Variants in SLIT3 observed in about 807,000 individuals in gnomAD.
SLIT3 encodes slit guidance ligand 3, also known as slit homolog 3 protein.
A neutral mutation model predicts 184.0 loss-of-function variants in SLIT3; 68 were observed. The ratio of observed to expected loss-of-function variants is 0.37; its 90% CI spans 0.30 to 0.45. The LOEUF is 0.45. Ranked by LOEUF, SLIT3 falls within the 20% of genes least tolerant of loss-of-function variation. The pLI, the probability that SLIT3 is intolerant of heterozygous loss-of-function variation, is 1.00. For missense variants in SLIT3, 1,707 were observed against 2,026.0 expected (o/e 0.84, Z 3.02); for synonymous variants, 831 against 828.6 (o/e 1.00, Z -0.05).
At chr5:168,993,675 A>T (rs1224601218) in intron 4 of SLIT3, among the ~76,000 whole-genome samples, 1 of 151,010 alleles carries the variant, frequency 6.6e-6, no homozygotes, top group African/African-American at 2.4e-5. Context: ...GTACACAGGA[A>T]AAAAAAAAAA....
intron 4 of SLIT3, among the ~76,000 whole-genome samples, chr5:168,962,681 G>A (rs1411414773): frequency 6.6e-6 from 1 of 152,148 alleles, no homozygotes; most frequent in Non-Finnish European, 1.5e-5. Flanking sequence ...GCGCTCTTAT[G>A]ACCAGACTCT....
intron 4 of SLIT3, among the ~76,000 whole-genome samples, chr5:169,089,429 C>T (rs1581398717): frequency 1.3e-5 from 2 of 152,332 alleles, no homozygotes; most frequent in South Asian, 4.2e-4. Flanking sequence ...AGCAGGGGTG[C>T]TGTCTGTCCC....
intron 5 of SLIT3, among the ~76,000 whole-genome samples, chr5:168,859,720 G>A (rs893837437): frequency 4.6e-5 from 7 of 152,148 alleles, no homozygotes; most frequent in Non-Finnish European, 1.5e-5. Flanking sequence ...GAGATCTGAC[G>A]GCATTTGCTA....
chr5:168,997,724 A>G (rs973241005), intron 4 of SLIT3, among the ~76,000 whole-genome samples: 2 of 152,124 alleles, frequency 1.3e-5, no homozygotes. Flanking sequence ...GGGGTCCTGG[A>G]AGGGAAACAG....
intron 6 of SLIT3, among the ~76,000 whole-genome samples, chr5:168,829,073 C>T (rs777741485): frequency 3.9e-5 from 6 of 152,128 alleles, no homozygotes; most frequent in Non-Finnish European, 7.3e-5. Context: ...TGAGTGTCAA[C>T]GTGGGGCTCT....
intron 18 of SLIT3, among the ~76,000 whole-genome samples, chr5:168,751,723 G>A (rs1379934384): frequency 7.1e-6 from 1 of 140,308 alleles, no homozygotes; most frequent in Non-Finnish European, 1.5e-5. Flanking sequence ...AGCAGCCAGT[G>A]ACATCTTTTT....
At chr5:169,261,183 G>A (rs1766161412) in intron 1 of SLIT3, among the ~76,000 whole-genome samples, 2 of 152,228 alleles carry the variant, frequency 1.3e-5, no homozygotes, top group African/African-American at 4.8e-5. Flanking sequence ...GGAGTATGGA[G>A]TAATTGGGGT....
intron 4 of SLIT3, among the ~76,000 whole-genome samples, chr5:168,994,793 C>T (rs1299979834): frequency 1.3e-5 from 2 of 151,526 alleles, no homozygotes; most frequent in African/African-American, 2.4e-5. Context: ...ATGCACCCAC[C>T]AATCATGCCC....
chr5:169,109,330 A>G (rs1359220360), intron 4 of SLIT3, among the ~76,000 whole-genome samples: 1 of 152,210 alleles, frequency 6.6e-6, no homozygotes. Flanking sequence ...GCCAGCAAAA[A>G]GTGGGACCCT....
At chr5:169,265,579 T>G (rs1047687871) in intron 1 of SLIT3, among the ~76,000 whole-genome samples, 3 of 152,198 alleles carry the variant, frequency 2.0e-5, no homozygotes, top group Admixed American at 2.0e-4. Context: ...TAGAATCAGA[T>G]AGCCTGGGCT....
chr5:169,105,333 A>T (rs758499701), intron 4 of SLIT3, among the ~76,000 whole-genome samples: 1 of 152,236 alleles, frequency 6.6e-6, no homozygotes, highest in Non-Finnish European at 1.5e-5. Flanking sequence ...ATATATGTAC[A>T]TGCTTGCACA....
intron 4 of SLIT3, among the ~76,000 whole-genome samples, chr5:168,925,152 C>T (rs951738142): frequency 2.0e-4 from 30 of 152,220 alleles, no homozygotes; most frequent in African/African-American, 7.2e-4. Flanking sequence ...GGAAGTCCAA[C>T]AATTTGGTAA....
At chr5:168,686,781 G>T (rs1369901453) in intron 30 of SLIT3, among the ~76,000 whole-genome samples, 198 bp downstream of exon 30, 1 of 152,246 alleles carries the variant, frequency 6.6e-6, no homozygotes, top group Non-Finnish European at 1.5e-5. Context: ...TACAATGTGG[G>T]ATTACCAATA....
At chr5:169,111,095 C>T (rs1405649784) in intron 4 of SLIT3, among the ~76,000 whole-genome samples, 1 of 152,198 alleles carries the variant, frequency 6.6e-6, no homozygotes, top group African/African-American at 2.4e-5. Flanking sequence ...TGCCCCATGC[C>T]TAGGCCATTT....
At chr5:168,785,761 G>A (rs999757626) in intron 12 of SLIT3, 146 bp downstream of exon 12, 68 of 618,258 alleles carry the variant, frequency 1.1e-4, no homozygotes, top group South Asian at 1.2e-4. Flanking sequence ...AATAGGAAAC[G>A]GAGGTGAAGC....
At chr5:168,986,040 G>T (rs1163184831) in intron 4 of SLIT3, among the ~76,000 whole-genome samples, 3 of 152,138 alleles carry the variant, frequency 2.0e-5, no homozygotes, top group African/African-American at 7.2e-5. Flanking sequence ...CAAATGAAAC[G>T]TCCAGCCTCA....
intron 4 of SLIT3, among the ~76,000 whole-genome samples, chr5:168,981,970 G>T (rs755187484): frequency 3.3e-5 from 5 of 152,156 alleles, no homozygotes; most frequent in Non-Finnish European, 7.3e-5. Flanking sequence ...ATCTAAAAAT[G>T]ATGATAGCAA....
At chr5:169,161,221 TC>T (rs1561706070) in intron 4 of SLIT3, among the ~76,000 whole-genome samples, 1 of 152,128 alleles carries the variant, frequency 6.6e-6, no homozygotes, top group East Asian at 1.9e-4. Flanking sequence ...CCTGGCAGGG[TC>T]CCAGGGGATT....
intron 4 of SLIT3, among the ~76,000 whole-genome samples, chr5:169,163,398 A>G (rs767698744): frequency 6.6e-6 from 1 of 152,222 alleles, no homozygotes; most frequent in Non-Finnish European, 1.5e-5. Flanking sequence ...GCAGACTCCA[A>G]TGCATGAAGC....
Sources: allele counts gnomAD v4.1 joint callset (sites outside exome capture counted in the v4.1 genomes callset), GRCh38; gene constraint gnomAD v4.1.1; transcripts MANE v1.5; gene names NCBI Gene and HGNC (gene_info 2026-07-23, HGNC 2026-07-21).